Variants in SRGAP2 observed in about 807,000 individuals in gnomAD.
SRGAP2 encodes the protein SLIT-ROBO Rho GTPase activating protein 2.
SRGAP2 carries 15 observed loss-of-function variants against 57.2 expected under a neutral mutation model. The observed-to-expected ratio is 0.26, with a 90% confidence interval of 0.18 to 0.40. The LOEUF (loss-of-function observed/expected upper bound fraction) is 0.40. SRGAP2 is among the 10% of genes least tolerant of loss of function. The pLI is 1.00. For missense variants in SRGAP2, 520 were observed against 669.6 expected, an observed-to-expected ratio of 0.78 and a Z score of 2.47; for synonymous variants, 249 against 248.0, an observed-to-expected ratio of 1.00 and a Z score of -0.04.
intron 7 of SRGAP2, among the ~76,000 whole-genome samples, chr1:206,397,121 C>CACTGTT (rs1393363787): frequency 7.2e-5 from 11 of 151,808 alleles, no homozygotes; most frequent in Non-Finnish European, 1.6e-4. Context: ...CCAAGGCAAC[C>CACTGTT]ACTGTTATGA....
chr1:206,249,554 G>T (rs183859483), intron 2 of SRGAP2, among the ~76,000 whole-genome samples: 225 of 149,102 alleles, frequency 1.5e-3, no homozygotes, highest in African/African-American at 5.4e-3. Context: ...GAGAACATAC[G>T]GGCACAGTGT....
intron 2 of SRGAP2, among the ~76,000 whole-genome samples, chr1:206,210,915 A>G (rs556951431): frequency 6.6e-6 from 1 of 152,000 alleles, no homozygotes; most frequent in South Asian, 2.1e-4. Context: ...AAAAAAAGCT[A>G]CTCTGCAGCA....
At chr1:206,267,159 G>T (rs1486987084) in intron 2 of SRGAP2, among the ~76,000 whole-genome samples, 55 of 151,972 alleles carry the variant, frequency 3.6e-4, no homozygotes, top group Admixed American at 5.2e-4. Flanking sequence ...TAGTAGAGAC[G>T]GGGTTTCACT....
rs146012459 is a variant in SRGAP2 at position 206,232,218 on chromosome 1, T to A, written c.67+26181T>A. 8.3e-3 allele frequency among the ~76,000 whole-genome samples: 1,265 copies of A among 152,190 alleles called. 26 individuals carry two copies. Among genetic ancestry groups the A allele is most frequent in the African/African-American group, 0.03 (1,225 of 41,498 alleles). ...CTCACAGTAAGTTAGGTTTACATAG[T>A]GGAGAGGTGAGCAAGCAGATAGTCT... is the stretch of plus-strand genomic sequence containing the variant. On this transcript the variant is annotated intron_variant, in intron 2 of 22. Coordinates refer to ENST00000573034, the MANE Select transcript of SRGAP2 (RefSeq NM_015326.5).
At chr1:206,447,693 G>A (rs1553374361) in intron 18 of SRGAP2, among the ~76,000 whole-genome samples, 1 of 152,204 alleles carries the variant, frequency 6.6e-6, no homozygotes, top group Non-Finnish European at 1.5e-5. Flanking sequence ...GTGGTGAAAA[G>A]CTGTAGAATA....
At position 206,278,209 on chromosome 1, in the gene SRGAP2, GGA is replaced by G. The variant is rs1378137303; in HGVS notation, c.68-25069_68-25068del. On this transcript the variant is annotated intron_variant, in intron 2 of 22. Coordinates refer to ENST00000573034, the MANE Select transcript of SRGAP2 (RefSeq NM_015326.5). ...AGTTAACATTTCAGTTGGGGAAGAG[GGA>G]GACAAACAATAAACATGATGAATAT... Among the ~76,000 whole-genome samples, 4 of 150,466 alleles carry G rather than the reference GGA, an allele frequency of 2.7e-5. No individual in the cohort carries two copies. The East Asian group carries it at 7.8e-4, about 29-fold the overall frequency.
chr1:206,373,909 C>T (rs1571990126), intron 4 of SRGAP2, among the ~76,000 whole-genome samples: 1 of 150,544 alleles, frequency 6.6e-6, no homozygotes, highest in East Asian at 2.0e-4. Context: ...AATGATTAAA[C>T]AACTAGACCA....
chr1:206,414,032 TC>T lies in SRGAP2; in HGVS notation c.1357-1856del, dbSNP rs66724835. The stretch of plus-strand genomic sequence containing the variant: ...TGTTCACTTTTCTTTTCTTTTTCTT[TC>T]TTTTTTTTTTTTTTTTGAGACAGAG... On this transcript the variant is annotated intron_variant, in intron 10 of 22. Transcript: ENST00000573034. Among the ~76,000 whole-genome samples the T allele has an allele frequency of 9.0e-3, 1,268 of 140,762 alleles. 25 individuals carry two copies. Among genetic ancestry groups the T allele is most frequent in the African/African-American group, 0.034 (1,176 of 34,658 alleles). The allele number at this position is 140,762 out of a possible 152,430, so 92.3% of individuals were successfully genotyped here. A position where few individuals can be genotyped will look rare whatever the true frequency, so the allele number is the denominator to read the frequency against.
chr1:206,302,386 G>C (rs1408902066), intron 2 of SRGAP2, among the ~76,000 whole-genome samples: 2 of 152,110 alleles, frequency 1.3e-5, no homozygotes, highest in African/African-American at 4.8e-5. Flanking sequence ...CTTTGCAGCA[G>C]TTCCAGAGAG....
At chr1:206,391,700 A>T (rs1482768707) in intron 5 of SRGAP2, among the ~76,000 whole-genome samples, 1 of 150,374 alleles carries the variant, frequency 6.7e-6, no homozygotes. Flanking sequence ...ATCTTATGGC[A>T]TCACACTTTC....
chr1:206,430,941 G>T (rs1661233200), intron 14 of SRGAP2, among the ~76,000 whole-genome samples: 1 of 152,212 alleles, frequency 6.6e-6, no homozygotes. Context: ...CTAGTGCTAT[G>T]AAAATTTCTA....
At chr1:206,229,931 TACACACACACACACAC>T (rs66901207) in intron 2 of SRGAP2, among the ~76,000 whole-genome samples, 2 of 141,766 alleles carry the variant, frequency 1.4e-5, no homozygotes, top group East Asian at 4.1e-4. Context: ...TACACATACA[TACACACACACACACAC>T]ACACACACAC....
At chr1:206,206,223 C>G in intron 2 of SRGAP2, 186 bp downstream of exon 2, 1 of 533,422 alleles carries the variant, frequency 1.9e-6, no homozygotes, top group Non-Finnish European at 3.4e-6. Flanking sequence ...GCCATTGACA[C>G]TGGAAAGGAA....
intron 2 of SRGAP2, among the ~76,000 whole-genome samples, chr1:206,242,178 C>G (rs1553309360): frequency 6.6e-6 from 1 of 151,254 alleles, no homozygotes; most frequent in Non-Finnish European, 1.5e-5. Flanking sequence ...TGGCAAGTAC[C>G]CCTCACACCT....
intron 5 of SRGAP2, 45 bp from the exon 6 acceptor site, chr1:206,392,644 C>A: frequency 1.4e-6 from 1 of 720,072 alleles, no homozygotes; most frequent in Non-Finnish European, 2.6e-6. Context: ...AGAAATGACC[C>A]CCTTGGCTTG....
chr1:206,375,565 T>C (rs1655122959), intron 4 of SRGAP2, among the ~76,000 whole-genome samples: 1 of 152,200 alleles, frequency 6.6e-6, no homozygotes, highest in Admixed American at 6.5e-5. Flanking sequence ...TGTTTTGAGT[T>C]TATTTTCTTA....
intron 11 of SRGAP2, among the ~76,000 whole-genome samples, chr1:206,418,810 T>C (rs1244366588): frequency 6.6e-6 from 1 of 152,042 alleles, no homozygotes; most frequent in Non-Finnish European, 1.5e-5. Context: ...TTACTATGAA[T>C]CTAAAGCTAG....
At chr1:206,419,516 G>A (rs1660105388) in intron 12 of SRGAP2, 116 bp downstream of exon 12, 1 of 734,610 alleles carries the variant, frequency 1.4e-6, no homozygotes, top group African/African-American at 1.7e-5. Flanking sequence ...ACTTTACAAA[G>A]CAATGGCCTG....
At chr1:206,309,651 G>A (rs1385416361) in intron 3 of SRGAP2, among the ~76,000 whole-genome samples, 2 of 151,928 alleles carry the variant, frequency 1.3e-5, no homozygotes, top group African/African-American at 2.4e-5. Context: ...AAGTGGGGGT[G>A]TTGAGGGAAG....
Sources: allele counts gnomAD v4.1 joint callset (sites outside exome capture counted in the v4.1 genomes callset), GRCh38; gene constraint gnomAD v4.1.1; transcripts MANE v1.5; gene names NCBI Gene and HGNC (gene_info 2026-07-23, HGNC 2026-07-21).